The following MED15 variants were observed in gnomAD, a reference collection of about 807,000 sequenced individuals.
MED15 encodes mediator complex subunit 15.
In MED15, 41 loss-of-function variants were observed where a neutral mutation model predicts 118.7. The observed-to-expected ratio is 0.35, with a 90% CI of 0.27 to 0.45. The LOEUF is 0.45. MED15 is among the 20% of genes least tolerant of loss of function. MED15 has a pLI of 1.00. For synonymous variants in MED15, 436 were observed against 413.9 expected (o/e 1.05, Z -0.65); for missense variants, 740 against 1,025.5 (o/e 0.72, Z 3.80).
chr22:20,568,610 G>T lies in MED15; in HGVS notation c.1131G>T (p.Gln377His). 2 of 1,613,604 alleles carry T rather than the reference G, an allele frequency of 1.2e-6. No homozygotes were observed. The highest frequency in any genetic ancestry group is 1.7e-6 in the Non-Finnish European group (2 of 1,179,962). The change falls in exon 8 of 18, where the codon CAG becomes CAT. Residue 377 changes from glutamine to histidine, a missense_variant. Transcript: ENST00000263205. ...CAGTACAGACAGCTCAGGCTGCCCA[G>T]ATGGTGGCTCCCGGAGTCCAGGTGA... ...QTAVQTAQAA[Q>H]MVAPGVQMIT...
intron 7 of MED15, 65 bp downstream of exon 7, chr22:20,566,882 G>A: frequency 4.4e-6 from 7 of 1,579,170 alleles, no homozygotes; most frequent in Non-Finnish European, 6.0e-6. Context: ...TAGTTTCTAG[G>A]CTCTTTGGCT....
At chr22:20,516,357 T>C (rs1454502310) in intron 1 of MED15, among the ~76,000 whole-genome samples, 33 of 151,868 alleles carry the variant, frequency 2.2e-4, no homozygotes, top group Admixed American at 2.2e-3. Context: ...AGTAAATAAA[T>C]GAATGGTTGC....
At chr22:20,546,412 G>A (rs552204646) in intron 2 of MED15, among the ~76,000 whole-genome samples, 5 of 151,392 alleles carry the variant, frequency 3.3e-5, no homozygotes, top group African/African-American at 1.2e-4. Context: ...CCTGACCCTT[G>A]TAAAGCTCCT....
chr22:20,558,899 A>ACAC (rs2056122001), intron 5 of MED15, among the ~76,000 whole-genome samples: 1 of 152,200 alleles, frequency 6.6e-6, no homozygotes, highest in Non-Finnish European at 1.5e-5. Flanking sequence ...GGAAGGAGAG[A>ACAC]CACCATGAAG....
intron 1 of MED15, among the ~76,000 whole-genome samples, chr22:20,521,843 G>A (rs758603196): frequency 5.3e-5 from 8 of 150,088 alleles, no homozygotes; most frequent in East Asian, 2.0e-4. Context: ...CTCCCACCTC[G>A]GCCTCCAGAG....
At position 20,564,551 on chromosome 22, in the gene MED15, C is replaced by G. The variant is rs751471090; in HGVS notation, c.553C>G (p.Gln185Glu). The G allele has an allele frequency of 1.9e-6, 3 of 1,605,906 alleles. No individual in the cohort carries two copies. The Admixed American group carries it at 5.0e-5, about 27-fold the overall frequency. The change falls in exon 6 of 18, where the codon CAA becomes GAA. Residue 185 changes from glutamine to glutamate, a missense_variant. Physicochemically the swap from Gln to Glu is conservative, Grantham distance 29. This residue lies in a region of MED15 where 384 missense variants were observed against 506.3 expected (regional missense o/e 0.76). Coordinates refer to ENST00000263205, the MANE Select transcript of MED15 (RefSeq NM_001003891.3). ...GCTACAGCAGCAGCAGCAGCAGCAGCAACAGCAGCAGTTCCAGGCTCAGCA... is the reference window on the plus strand; with the variant it reads ...GCTACAGCAGCAGCAGCAGCAGCAGGAACAGCAGCAGTTCCAGGCTCAGCA... Reference protein sequence around the residue: ...AALQQQQQQQQQQQFQAQQSA... With the variant: ...AALQQQQQQQEQQQFQAQQSA...
chr22:20,519,434 G>A (rs2054369404), intron 1 of MED15, among the ~76,000 whole-genome samples: 1 of 147,336 alleles, frequency 6.8e-6, no homozygotes, highest in Non-Finnish European at 1.5e-5. Context: ...TTATTTTGAG[G>A]GTGTTTTTTT....
At chr22:20,559,567 G>GC (rs1196076072) in intron 5 of MED15, among the ~76,000 whole-genome samples, 1 of 152,228 alleles carries the variant, frequency 6.6e-6, no homozygotes, top group Non-Finnish European at 1.5e-5. Context: ...CATCTCATCT[G>GC]CTGTGAGACT....
At position 20,516,558 on chromosome 22, in the gene MED15, G is replaced by A. The variant is rs753446557; in HGVS notation, c.68+8812G>A. The stretch of plus-strand genomic sequence containing the variant: ...GTGACCCCACATGCCTACCACAGTT[G>A]CAGGCCCTGACATCCACCCTGACCA... On this transcript the variant is annotated intron_variant, in intron 1 of 17. Transcript: ENST00000263205. Among the ~76,000 whole-genome samples the A allele has an allele frequency of 2.0e-5, 3 of 151,792 alleles. 1 individual carries two copies. Among genetic ancestry groups the A allele is most frequent in the East Asian group, 3.9e-4 (2 of 5,160 alleles).
chr22:20,581,415 G>T (rs950143079), intron 9 of MED15, among the ~76,000 whole-genome samples: 3 of 152,308 alleles, frequency 2.0e-5, no homozygotes, highest in East Asian at 1.9e-4. Context: ...AAGTGCTTGG[G>T]GGGTGGTGTG....
chr22:20,513,177 A>AT (rs2054135005), intron 1 of MED15, among the ~76,000 whole-genome samples: 1 of 151,826 alleles, frequency 6.6e-6, no homozygotes. Flanking sequence ...GACTCAAGTG[A>AT]TTCTCCAGTG....
chr22:20,508,345 C>T (rs1904682491), intron 1 of MED15: 1 of 1,304,224 alleles, frequency 7.7e-7, no homozygotes, highest in Non-Finnish European at 1.0e-6. Flanking sequence ...GTCAGTGGCC[C>T]CGCTCAGAGG....
intron 8 of MED15, chr22:20,573,825 G>T (rs1305440259): frequency 1.3e-5 from 2 of 152,214 alleles, no homozygotes; most frequent in Admixed American, 1.3e-4. Flanking sequence ...GAGCCCTGCT[G>T]CACTCTCAGA....
At chr22:20,576,087 G>A (rs1214958150) in intron 9 of MED15, among the ~76,000 whole-genome samples, 2 of 152,176 alleles carry the variant, frequency 1.3e-5, no homozygotes, top group African/African-American at 4.8e-5. Context: ...ATTACTCCAT[G>A]GCATAGTCAT....
chr22:20,540,132 A>C (rs979561758), intron 2 of MED15, among the ~76,000 whole-genome samples: 5 of 151,966 alleles, frequency 3.3e-5, no homozygotes, highest in Non-Finnish European at 2.9e-5. Flanking sequence ...ATCATCCCGG[A>C]GAGCAGGACA....
rs2057155506 is a variant in MED15, at chr22:20,587,031, G to A, written c.*327G>A. 2.5e-6 allele frequency: 1 copy of A among 406,610 alleles called. No individual in the cohort carries two copies. The highest frequency in any genetic ancestry group is 3.6e-5 in the Admixed American group (1 of 28,036). The allele number at this position is 406,610 out of a possible 1,614,324, so 25.2% of individuals were successfully genotyped here. ...AGGTCCATCTCAGCAGCGTGAGGGT[G>A]CACTCAGGGTGTTGTTAGAGCGTCT... is the stretch of plus-strand genomic sequence containing the variant. On this transcript the variant is annotated 3_prime_UTR_variant, in exon 18 of 18. Coordinates refer to ENST00000263205, the MANE Select transcript of MED15 (RefSeq NM_001003891.3).
intron 2 of MED15, 50 bp downstream of exon 2, chr22:20,537,254 G>C (rs778535017): frequency 4.8e-5 from 73 of 1,536,016 alleles, no homozygotes; most frequent in Non-Finnish European, 6.5e-5. Context: ...TTGGAGAGGA[G>C]AGCATCACAG....
chr22:20,576,623 G>A (rs1053808596), intron 9 of MED15, among the ~76,000 whole-genome samples: 1 of 152,248 alleles, frequency 6.6e-6, no homozygotes. Flanking sequence ...GAATTACAGC[G>A]GGAGGAAGTG....
chr22:20,568,882 A>G (rs1350808527), intron 8 of MED15, among the ~76,000 whole-genome samples: 1 of 152,076 alleles, frequency 6.6e-6, no homozygotes, highest in Non-Finnish European at 1.5e-5. Flanking sequence ...GGCATCCTTC[A>G]TTATCCCTCT....
Sources: allele counts gnomAD v4.1 joint callset (sites outside exome capture counted in the v4.1 genomes callset), GRCh38; gene constraint gnomAD v4.1.1; regional missense constraint gnomAD v4.1.1; transcripts MANE v1.5; gene names NCBI Gene and HGNC (gene_info 2026-07-23, HGNC 2026-07-21).